Variants in CLDN14 observed in about 807,000 individuals in gnomAD.
The protein encoded by CLDN14 is claudin-14.
In CLDN14, 2 loss-of-function variants were observed where a neutral mutation model predicts 2.1. That is an observed-to-expected ratio of 0.96 (90% CI 0.39 to 3.01). The LOEUF is 3.01. Ranked by LOEUF, CLDN14 falls within the 30% of genes most tolerant of loss-of-function variation. The pLI, the probability that CLDN14 is intolerant of heterozygous loss-of-function variation, is 0.09. For missense variants in CLDN14, 298 were observed against 328.0 expected, an observed-to-expected ratio of 0.91 and a Z score of 0.71; for synonymous variants, 136 against 154.4, an observed-to-expected ratio of 0.88 and a Z score of 0.88.
chr21:36,506,164 T>G (rs57709437), intron 2 of CLDN14, among the ~76,000 whole-genome samples: 5,326 of 152,308 alleles, frequency 0.035, 271 homozygotes, highest in East Asian at 0.18. Context: ...CTACGGTACA[T>G]CCACACAGAT....
At chr21:36,491,854 T>TG (rs1211711745) in intron 2 of CLDN14, among the ~76,000 whole-genome samples, 2 of 152,150 alleles carry the variant, frequency 1.3e-5, no homozygotes, top group Non-Finnish European at 2.9e-5. Context: ...GCACCCGCTC[T>TG]GGGCTGGGGT....
intron 2 of CLDN14, chr21:36,487,263 G>A (rs767963499): frequency 4.2e-5 from 9 of 214,960 alleles, no homozygotes; most frequent in Non-Finnish European, 6.6e-5. Context: ...GATTACAGGC[G>A]TGAACCACTG....
At chr21:36,575,994 A>G (rs1337594826) in intron 1 of CLDN14, among the ~76,000 whole-genome samples, 2 of 152,226 alleles carry the variant, frequency 1.3e-5, no homozygotes. Flanking sequence ...CGATCTTGCT[A>G]TTAATCTACT....
At chr21:36,493,136 C>T (rs943010315) in intron 2 of CLDN14, among the ~76,000 whole-genome samples, 7 of 152,150 alleles carry the variant, frequency 4.6e-5, no homozygotes, top group Admixed American at 2.6e-4. Context: ...TGCCCGCCCC[C>T]GGGGAGGAGG....
At chr21:36,482,529 C>T (rs549296225), upstream of CLDN14, among the ~76,000 whole-genome samples, 7 of 152,094 alleles carry the variant, frequency 4.6e-5, no homozygotes, top group South Asian at 2.1e-4. Flanking sequence ...TGATTTCTCA[C>T]GGAGCCAGAC....
At chr21:36,467,013 A>G (rs1175231375) in intron 1 of CLDN14, among the ~76,000 whole-genome samples, 1 of 152,212 alleles carries the variant, frequency 6.6e-6, no homozygotes, top group Non-Finnish European at 1.5e-5. Flanking sequence ...CAGAGAGAGT[A>G]TCAGAAAACG....
At chr21:36,468,634 G>A (rs2086674846) in intron 1 of CLDN14, among the ~76,000 whole-genome samples, 1 of 151,992 alleles carries the variant, frequency 6.6e-6, no homozygotes, top group African/African-American at 2.4e-5. Context: ...GGGAGATTTG[G>A]ATTCATTTAG....
In CLDN14 at chr21:36,549,900, G is replaced by A. The variant is rs976029525; in HGVS notation, c.-220+26511C>T. Among the ~76,000 whole-genome samples the A allele has an allele frequency of 2.0e-5, 3 of 152,164 alleles. No individual in the cohort carries two copies. In the South Asian group the frequency reaches 6.2e-4, roughly 32 times the overall value. ...CATGCCTGATTTTTCCCCTGAGCAC[G>A]GATGACGCTTGAAAGCCCATTCATG... On this transcript the variant is annotated intron_variant, in intron 1 of 2. Coordinates refer to the CLDN14 transcript ENST00000342108.
At chr21:36,476,012 G>C (rs940338480) in intron 1 of CLDN14, among the ~76,000 whole-genome samples, 11 of 152,138 alleles carry the variant, frequency 7.2e-5, no homozygotes, top group African/African-American at 2.7e-4. Flanking sequence ...GAGCTTTAAA[G>C]AGTCCAAAAC....
intron 1 of CLDN14, among the ~76,000 whole-genome samples, chr21:36,570,662 AT>A (rs1301622567): frequency 1.3e-5 from 2 of 152,326 alleles, no homozygotes; most frequent in African/African-American, 4.8e-5. Context: ...CAAACAATAG[AT>A]TGGCATAAAT....
chr21:36,477,146 A>C (rs1046723849), intron 1 of CLDN14, among the ~76,000 whole-genome samples: 2 of 152,376 alleles, frequency 1.3e-5, no homozygotes, highest in South Asian at 2.1e-4. Context: ...TGGCGTCTGC[A>C]GAACATCAAG....
intron 1 of CLDN14, among the ~76,000 whole-genome samples, chr21:36,562,132 G>A (rs1287706509): frequency 6.6e-6 from 1 of 152,210 alleles, no homozygotes; most frequent in African/African-American, 2.4e-5. Context: ...TCTAGCTAAT[G>A]TGTATTCATA....
intron 2 of CLDN14, among the ~76,000 whole-genome samples, chr21:36,497,732 C>A (rs890613327): frequency 6.6e-6 from 1 of 152,102 alleles, no homozygotes; most frequent in Non-Finnish European, 1.5e-5. Flanking sequence ...CCCCCTTCTG[C>A]CCCCGCCCAG....
chr21:36,471,377 A>C (rs2086708664), intron 1 of CLDN14, among the ~76,000 whole-genome samples: 1 of 152,268 alleles, frequency 6.6e-6, no homozygotes, highest in Non-Finnish European at 1.5e-5. Context: ...TAAGTAAGCC[A>C]TATAGTAATC....
At chr21:36,513,874 C>T (rs4817803) in intron 1 of CLDN14, among the ~76,000 whole-genome samples, 111,925 of 142,126 alleles carry the variant, frequency 0.79, 44,022 homozygotes, top group Non-Finnish European at 0.91. Context: ...CTTTTTCGCT[C>T]AGGCTGGGGT....
rs1244910611 is a variant in CLDN14, at chr21:36,539,507, GGAGTGAGTGTATGCA to G, written c.-219-29022_-219-29008del. ...GAATGTGTGTGTGTGCAGAGTGTGT[GGAGTGAGTGTATGCA>G]GAGTGAGTGTATGTGGAGTGTGTGT... On this transcript the variant is annotated intron_variant, in intron 1 of 2. Coordinates refer to the CLDN14 transcript ENST00000342108. Among the ~76,000 whole-genome samples, 178 of 144,576 alleles carry G rather than the reference GGAGTGAGTGTATGCA, an allele frequency of 1.2e-3. 1 individual carries two copies. The highest frequency in any genetic ancestry group is 4.1e-3 in the African/African-American group (161 of 39,120). The allele number at this position is 144,576 out of a possible 152,430, so 94.8% of individuals were successfully genotyped here.
chr21:36,562,099 C>A (rs189574757), intron 1 of CLDN14, among the ~76,000 whole-genome samples: 97 of 152,224 alleles, frequency 6.4e-4, no homozygotes, highest in Non-Finnish European at 8.2e-4. Flanking sequence ...TTATTACAAT[C>A]ATCTCTGAGG....
rs2087513274 is a variant in CLDN14 at position 36,544,444 on chromosome 21, TCAGA to T, written c.-220+31963_-220+31966del. 2.0e-5 allele frequency among the ~76,000 whole-genome samples: 3 copies of T among 152,172 alleles called. No individual in the cohort carries two copies. The South Asian group carries it at 6.2e-4, about 32-fold the overall frequency. On this transcript the variant is annotated intron_variant, in intron 1 of 2. Transcript: ENST00000342108. The surrounding 1 kb of genome is among the most constrained non-coding windows in gnomAD (Gnocchi z 4.1). ...GACTAGAACAAAGTTCTCCCAGGCCTCAGACAGTCATCCCTGCCTGCAGCTATTG... is the reference window on the plus strand; with the variant it reads ...GACTAGAACAAAGTTCTCCCAGGCCTCAGTCATCCCTGCCTGCAGCTATTG...
At chr21:36,500,856 C>T (rs2087086138) in intron 2 of CLDN14, among the ~76,000 whole-genome samples, 1 of 152,226 alleles carries the variant, frequency 6.6e-6, no homozygotes, top group African/African-American at 2.4e-5. Context: ...CAAATAGACA[C>T]CGCCTTATCT....
Sources: allele counts gnomAD v4.1 joint callset (sites outside exome capture counted in the v4.1 genomes callset), GRCh38; gene constraint gnomAD v4.1.1; non-coding constraint Gnocchi (gnomAD v3.1); transcripts MANE v1.5; gene names NCBI Gene and HGNC (gene_info 2026-07-23, HGNC 2026-07-21).